The following OCLN variants were observed in gnomAD, a reference collection of about 807,000 sequenced individuals.
OCLN encodes the protein occludin.
Under a neutral mutation model 47.9 loss-of-function variants are expected in OCLN, and 21 were observed. The ratio of observed to expected loss-of-function variants is 0.44; its 90% CI spans 0.31 to 0.63. OCLN has a LOEUF of 0.63. Among genes scored for constraint, OCLN ranks in the 30% least tolerant of loss-of-function variants. OCLN has a pLI of 0.08. For missense variants in OCLN, 360 were observed against 571.0 expected, an observed-to-expected ratio of 0.63 and a Z score of 3.77; for synonymous variants, 117 against 198.4, an observed-to-expected ratio of 0.59 and a Z score of 3.45.
At chr5:69,512,035 A>AC (rs1768803608) in intron 3 of OCLN, among the ~76,000 whole-genome samples, 2 of 91,530 alleles carry the variant, frequency 2.2e-5, no homozygotes, top group African/African-American at 4.5e-5. Flanking sequence ...AAAAAAAAAA[A>AC]AAAAAAAAAA....
chr5:69,531,502 A>G (rs1457886323), intron 4 of OCLN, among the ~76,000 whole-genome samples: 1 of 152,240 alleles, frequency 6.6e-6, no homozygotes, highest in Non-Finnish European at 1.5e-5. Flanking sequence ...AAATTCTGAT[A>G]AGGTATTGGA....
At chr5:69,505,096 C>T (rs924838773) in intron 2 of OCLN, among the ~76,000 whole-genome samples, 2 of 151,828 alleles carry the variant, frequency 1.3e-5, no homozygotes, top group Non-Finnish European at 2.9e-5. Context: ...ACTGAAAATA[C>T]AAAATTAGCC....
chr5:69,526,827 T>C (rs1769293882), intron 4 of OCLN, among the ~76,000 whole-genome samples: 1 of 152,170 alleles, frequency 6.6e-6, no homozygotes, highest in South Asian at 2.1e-4. Flanking sequence ...GGCCATACAT[T>C]CCTATTCAAC....
intron 4 of OCLN, among the ~76,000 whole-genome samples, chr5:69,530,121 A>C (rs981437826): frequency 2.6e-5 from 4 of 152,122 alleles, no homozygotes; most frequent in African/African-American, 9.7e-5. Flanking sequence ...GGAGGATTGC[A>C]TGAGTCCAGG....
chr5:69,549,340 C>CAAA lies in OCLN; in HGVS notation c.1425+1260_1425+1262dup, dbSNP rs1172698181. Among the ~76,000 whole-genome samples, 81 of 51,518 alleles carry CAAA rather than the reference C, an allele frequency of 1.6e-3. 1 individual carries two copies. The East Asian group carries it at 0.018, about 11-fold the overall frequency. The allele number at this position is 51,518 out of a possible 152,430, so 33.8% of individuals were successfully genotyped here. The stretch of plus-strand genomic sequence containing the variant: ...TGAGTGACAGAGTGAGACTCCATCT[C>CAAA]AAAAAAAAAAAAAAAAAAAAAAAGA... On this transcript the variant is annotated intron_variant, in intron 7 of 8. Coordinates refer to ENST00000396442, the MANE Select transcript of OCLN (RefSeq NM_001205254.2).
At chr5:69,514,164 G>T (rs1768863093) in intron 4 of OCLN, 55 bp downstream of exon 4, 2 of 1,441,464 alleles carry the variant, frequency 1.4e-6, no homozygotes, top group African/African-American at 2.8e-5. Context: ...ATTTGTGTCT[G>T]AATTTTTAGT....
rs372517527 is a variant in OCLN, at chr5:69,511,999, G to A, written c.730-1949G>A. On this transcript the variant is annotated intron_variant, in intron 3 of 8. Transcript: ENST00000396442. Reference sequence around the variant, plus strand: ...AATTGTGCCACTGCACTCCAGCCTAGACAACAAGAGCAAAACTCTGTCTCA... The same window carrying A: ...AATTGTGCCACTGCACTCCAGCCTAAACAACAAGAGCAAAACTCTGTCTCA... 2.1e-5 allele frequency among the ~76,000 whole-genome samples: 3 copies of A among 139,556 alleles called. No individual in the cohort carries two copies. The South Asian group carries it at 6.9e-4, about 32-fold the overall frequency. 91.6% of individuals were successfully genotyped at this position (139,556 alleles called of 152,430 possible).
rs1768692512 is a variant in OCLN, at chr5:69,509,148, A to T, written c.58A>T (p.Asn20Tyr). ...TTTTCATGTTCATTTCAGCAAACCG[A>T]ATCATTATGCACCAAGCAATGACAT... The part of the protein sequence containing the change: ...PPYRPDEFKP[N>Y]HYAPSNDIYG... The change falls in exon 3 of 9, where the codon AAT becomes TAT. Residue 20 changes from asparagine to tyrosine, a missense_variant. Transcript: ENST00000396442. 1 of 1,613,742 alleles carries T rather than the reference A, an allele frequency of 6.2e-7. No individual in the cohort carries two copies.
chr5:69,532,967 C>CAA (rs200582624), intron 4 of OCLN, among the ~76,000 whole-genome samples: 4 of 107,092 alleles, frequency 3.7e-5, no homozygotes, highest in Admixed American at 9.3e-5. Context: ...GACTCTGTCT[C>CAA]AAAAAAAATA....
chr5:69,546,480 C>CT (rs1769714668), intron 6 of OCLN, among the ~76,000 whole-genome samples: 3 of 140,440 alleles, frequency 2.1e-5, no homozygotes, highest in South Asian at 4.5e-4. Flanking sequence ...TAACTGAAAA[C>CT]TTTATATATT....
chr5:69,501,413 T>G (rs1182799829), intron 1 of OCLN, among the ~76,000 whole-genome samples: 1 of 152,134 alleles, frequency 6.6e-6, no homozygotes, highest in South Asian at 2.1e-4. Flanking sequence ...GTGGATAGCT[T>G]GAGCTCAGGG....
chr5:69,552,484 CA>C (rs1175477638), intron 8 of OCLN, among the ~76,000 whole-genome samples: 2 of 52,510 alleles, frequency 3.8e-5, no homozygotes, highest in Admixed American at 3.8e-4. Context: ...TACAGGCAAG[CA>C]CCACCACACC....
chr5:69,516,304 G>A (rs1022929056), intron 4 of OCLN, among the ~76,000 whole-genome samples: 1 of 152,218 alleles, frequency 6.6e-6, no homozygotes, highest in Non-Finnish European at 1.5e-5. Flanking sequence ...AGACCAGCCC[G>A]GCCAACACAG....
intron 4 of OCLN, among the ~76,000 whole-genome samples, chr5:69,524,281 C>T (rs1032038377): frequency 6.6e-6 from 1 of 152,208 alleles, no homozygotes; most frequent in Non-Finnish European, 1.5e-5. Context: ...GCAGATCTAC[C>T]ATCCCACCTA....
At chr5:69,512,890 T>G (rs532948636) in intron 3 of OCLN, among the ~76,000 whole-genome samples, 9 of 152,338 alleles carry the variant, frequency 5.9e-5, no homozygotes, top group African/African-American at 2.2e-4. Flanking sequence ...TCCCTTGTTT[T>G]TCCTTTTTTC....
At position 69,509,502 on chromosome 5, in the gene OCLN, A is replaced by G; in HGVS notation, c.412A>G (p.Lys138Glu). The change falls in exon 3 of 9, where the codon AAG (lysine) becomes GAG (glutamate). Residue 138 changes from lysine to glutamate, a missense_variant. Lys to Glu is a moderately conservative substitution (Grantham distance 56). Coordinates refer to ENST00000396442, the MANE Select transcript of OCLN (RefSeq NM_001205254.2). ...AGGCTATACAGACCCAAGAGCAGCAAAGGGCTTCATGTTGGCCATGGCTGC... is the reference window on the plus strand; with the variant it reads ...AGGCTATACAGACCCAAGAGCAGCAGAGGGCTTCATGTTGGCCATGGCTGC... The part of the protein sequence containing the change: ...YGGYTDPRAA[K>E]GFMLAMAAFC... 15 of 1,614,206 alleles carry G rather than the reference A, an allele frequency of 9.3e-6. No individual in the cohort carries two copies. The highest frequency in any genetic ancestry group is 1.3e-5 in the Non-Finnish European group (15 of 1,180,030).
chr5:69,503,372 C>T (rs1172026141), intron 1 of OCLN, among the ~76,000 whole-genome samples: 2 of 152,154 alleles, frequency 1.3e-5, no homozygotes, highest in East Asian at 1.9e-4. Flanking sequence ...CCTTTTCTTA[C>T]TCATCCTCCA....
chr5:69,523,595 G>A (rs993969590), intron 4 of OCLN, among the ~76,000 whole-genome samples: 2 of 151,492 alleles, frequency 1.3e-5, no homozygotes, highest in Non-Finnish European at 2.9e-5. Context: ...GAGTGCAGTG[G>A]CATGATCTCG....
chr5:69,503,568 A>G (rs1005864410), intron 1 of OCLN, among the ~76,000 whole-genome samples: 2 of 152,186 alleles, frequency 1.3e-5, no homozygotes, highest in African/African-American at 2.4e-5. Context: ...TAGGCACTTA[A>G]TAAATGCTTG....
Sources: gnomAD v4.1 joint callset for allele counts (sites outside exome capture counted in the v4.1 genomes callset) on GRCh38, gnomAD v4.1.1 for gene constraint, MANE v1.5 for transcripts, NCBI Gene and HGNC (gene_info 2026-07-23, HGNC 2026-07-21) for gene names.